DLGAP1: variants seen among roughly 807,000 people sequenced by gnomAD.
The protein encoded by DLGAP1 is DLG associated protein 1, also known as disks large-associated protein 1.
Under a neutral mutation model 90.8 loss-of-function variants are expected in DLGAP1, and 11 were observed. The observed-to-expected ratio is 0.12, with a 90% confidence interval of 0.08 to 0.20. The LOEUF is 0.20. Among genes scored for constraint, DLGAP1 ranks in the 10% least tolerant of loss-of-function variants. DLGAP1 has a pLI of 1.00. For missense variants in DLGAP1, 1,050 were observed against 1,333.8 expected (o/e 0.79, Z 3.31); for synonymous variants, 558 against 540.7 (o/e 1.03, Z -0.44).
chr18:4,175,011 A>G (rs2077084144), intron 1 of DLGAP1, among the ~76,000 whole-genome samples: 1 of 152,086 alleles, frequency 6.6e-6, no homozygotes, highest in South Asian at 2.1e-4. Flanking sequence ...GTCTATCACA[A>G]TGGTTGAACT....
At chr18:4,175,838 T>C (rs1286828818) in intron 1 of DLGAP1, among the ~76,000 whole-genome samples, 1 of 152,208 alleles carries the variant, frequency 6.6e-6, no homozygotes, top group African/African-American at 2.4e-5. Context: ...AACCTTGTAG[T>C]ATAATTTGAA....
chr18:3,803,733 C>T (rs10163787), intron 5 of DLGAP1, among the ~76,000 whole-genome samples: 44,464 of 151,692 alleles, frequency 0.29, 7,758 homozygotes, highest in Middle Eastern at 0.39. Context: ...GGCTCTGCCT[C>T]GTGAGGCTCA....
At chr18:4,032,870 CA>C (rs1222540677) in intron 2 of DLGAP1, among the ~76,000 whole-genome samples, 1 of 152,144 alleles carries the variant, frequency 6.6e-6, no homozygotes, top group African/African-American at 2.4e-5. Flanking sequence ...TTGATGATAG[CA>C]AACATTATGG....
At chr18:3,611,349 T>G (rs988290667) in intron 7 of DLGAP1, among the ~76,000 whole-genome samples, 6 of 152,096 alleles carry the variant, frequency 3.9e-5, no homozygotes, top group African/African-American at 1.2e-4. Flanking sequence ...CCATCTTTTA[T>G]AAACTACAAG....
intron 9 of DLGAP1, among the ~76,000 whole-genome samples, chr18:3,535,278 G>A (rs1394601085): frequency 6.6e-6 from 1 of 152,184 alleles, no homozygotes; most frequent in African/African-American, 2.4e-5. Flanking sequence ...CCAGTAGAAT[G>A]TGCAGCTCTG....
chr18:3,501,113 C>A (rs76376390), intron 12 of DLGAP1, among the ~76,000 whole-genome samples: 6,007 of 151,878 alleles, frequency 0.04, 401 homozygotes, highest in African/African-American at 0.14. Flanking sequence ...CGGCGTTTCA[C>A]CATATTGTTG....
chr18:3,736,110 C>T (rs1199781210), intron 6 of DLGAP1, among the ~76,000 whole-genome samples: 2 of 152,088 alleles, frequency 1.3e-5, no homozygotes, highest in Non-Finnish European at 2.9e-5. Flanking sequence ...CAACATGTTG[C>T]CAGAGAAAAT....
chr18:3,553,202 T>C (rs1421144982), intron 9 of DLGAP1, among the ~76,000 whole-genome samples: 1 of 152,040 alleles, frequency 6.6e-6, no homozygotes, highest in Non-Finnish European at 1.5e-5. Context: ...TTAAAAGAGG[T>C]GTTTGCTATG....
intron 5 of DLGAP1, among the ~76,000 whole-genome samples, chr18:3,807,166 C>T (rs1206049413): frequency 6.6e-6 from 1 of 152,240 alleles, no homozygotes; most frequent in Non-Finnish European, 1.5e-5. Context: ...TCAGAACTCA[C>T]TTCACTGCAG....
chr18:3,657,806 G>A (rs1307462924), intron 7 of DLGAP1, among the ~76,000 whole-genome samples: 1 of 151,528 alleles, frequency 6.6e-6, no homozygotes, highest in Non-Finnish European at 1.5e-5. Context: ...GGGTTTCACC[G>A]TGTTAGCCAG....
At position 3,540,469 on chromosome 18, in the gene DLGAP1, C is replaced by CAAAAAAAA. The variant is rs60740209; in HGVS notation, c.2058-5862_2058-5855dup. On this transcript the variant is annotated intron_variant, in intron 9 of 12. Coordinates refer to ENST00000315677, the MANE Select transcript of DLGAP1 (RefSeq NM_004746.4). ...TGGGCAACAGAGTGAGGCCCTGTGT[C>CAAAAAAAA]AAAAAAAAAAAAAAAAAAAAAAAAA... Among the ~76,000 whole-genome samples the CAAAAAAAA allele has an allele frequency of 1.4e-3, 83 of 58,018 alleles. 1 individual carries two copies. Among genetic ancestry groups the CAAAAAAAA allele is most frequent in the African/African-American group, 4.7e-3 (69 of 14,810 alleles). 38.1% of individuals were successfully genotyped at this position (58,018 alleles called of 152,430 possible).
At chr18:3,714,647 T>C (rs899556334) in intron 7 of DLGAP1, among the ~76,000 whole-genome samples, 1 of 149,094 alleles carries the variant, frequency 6.7e-6, no homozygotes, top group South Asian at 2.1e-4. Flanking sequence ...TGGTTTTTTT[T>C]TTTTTTTTTT....
In DLGAP1 at chr18:3,836,825, G is replaced by A. The variant is rs147931258; in HGVS notation, c.958-22552C>T. 2.0e-5 allele frequency among the ~76,000 whole-genome samples: 3 copies of A among 152,332 alleles called. No homozygotes were observed. In the East Asian group the frequency reaches 5.8e-4, roughly 29 times the overall value. On this transcript the variant is annotated intron_variant, in intron 4 of 12. Transcript: ENST00000315677. ...CTTTCTTTTCTTAGATTCTGCCAAT[G>A]CTTTTAATGGGCTGGTCCCCTGCGA...
intron 2 of DLGAP1, among the ~76,000 whole-genome samples, chr18:4,112,568 T>C (rs1196632500): frequency 3.3e-5 from 5 of 152,186 alleles, no homozygotes; most frequent in Non-Finnish European, 5.9e-5. Flanking sequence ...TGTCAATTGC[T>C]GTTGTTGTAT....
At chr18:3,898,288 G>C (rs2148875345) in intron 3 of DLGAP1, among the ~76,000 whole-genome samples, 1 of 152,238 alleles carries the variant, frequency 6.6e-6, no homozygotes, top group Non-Finnish European at 1.5e-5. Flanking sequence ...TGCTTGACCA[G>C]CAATATGTTC....
At chr18:4,349,890 C>A (rs1216541598) in intron 1 of DLGAP1, among the ~76,000 whole-genome samples, 1 of 152,104 alleles carries the variant, frequency 6.6e-6, no homozygotes, top group Non-Finnish European at 1.5e-5. Flanking sequence ...CCAAGCTGTA[C>A]ACTTAAGATC....
intron 2 of DLGAP1, among the ~76,000 whole-genome samples, chr18:4,107,566 A>G (rs1458975742): frequency 2.0e-5 from 3 of 152,214 alleles, no homozygotes; most frequent in Non-Finnish European, 4.4e-5. Context: ...TTTAATATTT[A>G]GGCTGTAGTG....
At chr18:3,547,762 A>T (rs1180841822) in intron 9 of DLGAP1, among the ~76,000 whole-genome samples, 4 of 151,626 alleles carry the variant, frequency 2.6e-5, no homozygotes, top group African/African-American at 9.8e-5. Flanking sequence ...AATTTAAAAC[A>T]GATGTTCAAA....
intron 10 of DLGAP1, among the ~76,000 whole-genome samples, chr18:3,511,556 GA>G (rs539670860): frequency 0.077 from 10,783 of 139,702 alleles, 440 homozygotes; most frequent in Admixed American, 0.092. Flanking sequence ...CTTCACGGTG[GA>G]AAAAAAAAAA....
Sources: gnomAD v4.1 joint callset for allele counts (sites outside exome capture counted in the v4.1 genomes callset) on GRCh38, gnomAD v4.1.1 for gene constraint, MANE v1.5 for transcripts, NCBI Gene and HGNC (gene_info 2026-07-23, HGNC 2026-07-21) for gene names.